Variants in GPM6A observed in about 807,000 individuals in gnomAD.
GPM6A encodes neuronal membrane glycoprotein M6-a.
In GPM6A, 7 loss-of-function variants were observed where a neutral mutation model predicts 32.1. The observed-to-expected ratio is 0.22, with a 90% CI of 0.12 to 0.41. The LOEUF is 0.41. Among genes scored for constraint, GPM6A ranks in the 10% least tolerant of loss-of-function variants. GPM6A has a pLI of 1.00. For synonymous variants in GPM6A, 130 were observed against 123.4 expected (o/e 1.05, Z -0.35); for missense variants, 235 against 347.2 (o/e 0.68, Z 2.57).
chr4:175,887,232 A>G (rs1358798522), intron 1 of GPM6A, among the ~76,000 whole-genome samples: 2 of 152,024 alleles, frequency 1.3e-5, no homozygotes, highest in Non-Finnish European at 2.9e-5. Context: ...TATAATGTTC[A>G]TAATGTCACA....
At chr4:175,669,004 AG>A (rs1333444794) in intron 3 of GPM6A, among the ~76,000 whole-genome samples, 1 of 152,174 alleles carries the variant, frequency 6.6e-6, no homozygotes, top group Non-Finnish European at 1.5e-5. Flanking sequence ...ACCCCAGGCA[AG>A]TCAGTCATCC....
chr4:175,785,294 T>C (rs1293114029), intron 1 of GPM6A, among the ~76,000 whole-genome samples: 1 of 152,150 alleles, frequency 6.6e-6, no homozygotes, highest in Non-Finnish European at 1.5e-5. Context: ...AATTGAGCCC[T>C]CTTAGACATT....
At chr4:175,683,582 G>A (rs1210803669) in intron 2 of GPM6A, among the ~76,000 whole-genome samples, 1 of 152,038 alleles carries the variant, frequency 6.6e-6, no homozygotes, top group Non-Finnish European at 1.5e-5. Flanking sequence ...AGGGCCTGAT[G>A]GGAGGCATTT....
intron 1 of GPM6A, among the ~76,000 whole-genome samples, chr4:175,735,234 A>T (rs1731609461): frequency 6.6e-6 from 1 of 152,186 alleles, no homozygotes; most frequent in Non-Finnish European, 1.5e-5. Context: ...GAAATTTTAT[A>T]GGAAAGCTAG....
At chr4:175,919,985 T>C (rs998463501) in intron 1 of GPM6A, among the ~76,000 whole-genome samples, 1 of 152,272 alleles carries the variant, frequency 6.6e-6, no homozygotes, top group Non-Finnish European at 1.5e-5. Context: ...AAAGAGAATC[T>C]TACTCTAGTG....
chr4:175,782,658 A>G (rs1733656832), intron 1 of GPM6A, among the ~76,000 whole-genome samples: 1 of 152,164 alleles, frequency 6.6e-6, no homozygotes, highest in African/African-American at 2.4e-5. Flanking sequence ...AGTCATGGAA[A>G]TTACAGATAA....
At chr4:175,749,186 G>A (rs1321253052) in intron 1 of GPM6A, among the ~76,000 whole-genome samples, 1 of 145,472 alleles carries the variant, frequency 6.9e-6, no homozygotes, top group African/African-American at 2.5e-5. Context: ...TGGTGCAAAA[G>A]TAATTGCAGT....
intron 1 of GPM6A, among the ~76,000 whole-genome samples, chr4:175,761,459 T>G (rs546172257): frequency 4.4e-4 from 67 of 152,312 alleles, no homozygotes; most frequent in Non-Finnish European, 8.4e-4. Flanking sequence ...TGTTGAATGA[T>G]GTCACAATGT....
At chr4:175,944,261 C>A (rs1193745312) in intron 1 of GPM6A, among the ~76,000 whole-genome samples, 1 of 152,034 alleles carries the variant, frequency 6.6e-6, no homozygotes, top group Non-Finnish European at 1.5e-5. Context: ...CTGTTTGTGG[C>A]CTAAGATATG....
At chr4:175,995,080 C>T (rs920159599) in intron 1 of GPM6A, among the ~76,000 whole-genome samples, 1 of 152,188 alleles carries the variant, frequency 6.6e-6, no homozygotes, top group Admixed American at 6.5e-5. Flanking sequence ...CTTGCTATTT[C>T]TACCACATCT....
chr4:175,687,736 C>T (rs558275395), intron 2 of GPM6A, among the ~76,000 whole-genome samples: 14 of 152,188 alleles, frequency 9.2e-5, no homozygotes, highest in African/African-American at 3.4e-4. Context: ...TTTTAATTTT[C>T]CAAGGAACTG....
At chr4:175,789,765 C>T (rs147567498) in intron 1 of GPM6A, among the ~76,000 whole-genome samples, 97 of 152,230 alleles carry the variant, frequency 6.4e-4, no homozygotes, top group South Asian at 1.2e-3. Flanking sequence ...AATGATTTGT[C>T]GTTTTACCAT....
chr4:175,922,960 A>C (rs534650829), intron 1 of GPM6A, among the ~76,000 whole-genome samples: 4 of 152,210 alleles, frequency 2.6e-5, no homozygotes, highest in African/African-American at 9.6e-5. Flanking sequence ...ATTGCCCTAT[A>C]ATTTAATCAG....
intron 1 of GPM6A, among the ~76,000 whole-genome samples, chr4:175,829,070 T>C (rs1277423407): frequency 1.3e-5 from 2 of 152,094 alleles, no homozygotes; most frequent in African/African-American, 4.8e-5. Context: ...ACTACAAGCA[T>C]GTGCCAGCGT....
At chr4:175,771,871 T>A (rs901019660) in intron 1 of GPM6A, among the ~76,000 whole-genome samples, 2 of 152,216 alleles carry the variant, frequency 1.3e-5, no homozygotes, top group African/African-American at 4.8e-5. Context: ...TCTGATCAAA[T>A]CCACTGACTA....
At chr4:175,861,749 G>GAAAAAAAA (rs10716525) in intron 1 of GPM6A, among the ~76,000 whole-genome samples, 6 of 87,238 alleles carry the variant, frequency 6.9e-5, no homozygotes, top group Admixed American at 2.7e-4. Flanking sequence ...AAGAGACTCT[G>GAAAAAAAA]AAAAAAAAAA....
At chr4:175,901,628 C>CTTTTTTTTTTTTTTT (rs59461626) in intron 1 of GPM6A, among the ~76,000 whole-genome samples, 6 of 126,962 alleles carry the variant, frequency 4.7e-5, no homozygotes, top group Non-Finnish European at 6.4e-5. Context: ...TTTTCTTTTT[C>CTTTTTTTTTTTTTTT]TTTTTTTTTT....
intron 1 of GPM6A, among the ~76,000 whole-genome samples, chr4:175,967,808 A>T (rs1740373738): frequency 6.6e-6 from 1 of 152,228 alleles, no homozygotes; most frequent in African/African-American, 2.4e-5. Context: ...ACATGGATAG[A>T]AAGAGTCAAT....
chr4:175,936,821 T>C (rs1481484884), intron 1 of GPM6A, among the ~76,000 whole-genome samples: 1 of 151,948 alleles, frequency 6.6e-6, no homozygotes, highest in African/African-American at 2.4e-5. Flanking sequence ...CCATAATATA[T>C]TTAGAACTCT....
Sources: allele counts gnomAD v4.1 joint callset (sites outside exome capture counted in the v4.1 genomes callset), GRCh38; gene constraint gnomAD v4.1.1; transcripts MANE v1.5; gene names NCBI Gene and HGNC (gene_info 2026-07-23, HGNC 2026-07-21).